The following ADGRB1 variants were observed in gnomAD, a reference collection of about 807,000 sequenced individuals.
The protein encoded by ADGRB1 is adhesion G protein-coupled receptor B1, also known as brain-specific angiogenesis inhibitor 1.
A neutral mutation model predicts 175.7 loss-of-function variants in ADGRB1; 36 were observed. The observed-to-expected ratio is 0.20, with a 90% CI of 0.16 to 0.27. The LOEUF is 0.27. Ranked by LOEUF, ADGRB1 falls within the 10% of genes least tolerant of loss-of-function variation. The pLI, the probability that ADGRB1 is intolerant of heterozygous loss-of-function variation, is 1.00. For synonymous variants in ADGRB1, 1,054 were observed against 979.4 expected, an observed-to-expected ratio of 1.08 and a Z score of -1.42; for missense variants, 1,731 against 2,255.3, an observed-to-expected ratio of 0.77 and a Z score of 4.71.
rs998523228 is a variant in ADGRB1, at chr8:142,504,147, C to T, written c.2676-6785C>T. Among the ~76,000 whole-genome samples, 3 of 152,232 alleles carry T rather than the reference C, an allele frequency of 2.0e-5. No homozygotes were observed. Among genetic ancestry groups the T allele is most frequent in the African/African-American group, 7.2e-5 (3 of 41,462 alleles). ...CCTCAGGACCCCAGGTAATTGCCCCCAGGCCCTGAGCTTGGAGGGGCTAGA... is the reference window on the plus strand; with the variant it reads ...CCTCAGGACCCCAGGTAATTGCCCCTAGGCCCTGAGCTTGGAGGGGCTAGA... On this transcript the variant is annotated intron_variant, in intron 17 of 30. Transcript: ENST00000517894. This position sits in a 1 kb window ranked among gnomAD's most constrained non-coding sequence, Gnocchi z 5.6.
rs1025995725 is a variant in ADGRB1, at chr8:142,492,915, C to T, written c.2675+2100C>T. Among the ~76,000 whole-genome samples the T allele has an allele frequency of 1.3e-5, 2 of 151,996 alleles. No homozygotes were observed. Among genetic ancestry groups the T allele is most frequent in the Admixed American group, 6.5e-5 (1 of 15,268 alleles). On this transcript the variant is annotated intron_variant, in intron 17 of 30. Transcript: ENST00000517894. This position sits in a 1 kb window ranked among gnomAD's most constrained non-coding sequence, Gnocchi z 4.4. ...CCCTCCCCACAGTGCAGAAACCCTC[C>T]ATCCGGGCTGTTCGCCGGCCGCGGC... is the stretch of plus-strand genomic sequence containing the variant.
intron 14 of ADGRB1, 44 bp from the exon 15 acceptor site, chr8:142,488,991 C>CTG: frequency 6.3e-7 from 1 of 1,593,872 alleles, no homozygotes; most frequent in Non-Finnish European, 8.5e-7. Context: ...CCCACCCTGG[C>CTG]TGTGGGGATG....
Position 142,455,208 on chromosome 8 carries a change from C to A in ADGRB1, c.-220+5104C>A, listed in dbSNP as rs1839598917. 6.6e-6 allele frequency among the ~76,000 whole-genome samples: 1 copy of A among 151,602 alleles called. No individual in the cohort carries two copies. Among genetic ancestry groups the A allele is most frequent in the Non-Finnish European group, 1.5e-5 (1 of 67,906 alleles). On this transcript the variant is annotated intron_variant, in intron 1 of 30. Transcript: ENST00000517894. This position sits in a 1 kb window ranked among gnomAD's most constrained non-coding sequence, Gnocchi z 4.9. The stretch of plus-strand genomic sequence containing the variant: ...ATTCCTATCTGACCCCACCTCCATC[C>A]CCAACACCAAAGCCAACAAACACCT...
At chr8:142,491,037 G>T (rs1841956766) in intron 17 of ADGRB1, among the ~76,000 whole-genome samples, 1 of 152,190 alleles carries the variant, frequency 6.6e-6, no homozygotes, top group South Asian at 2.1e-4. Context: ...AGTTCAGGGA[G>T]GAGCGGACGT....
chr8:142,511,574 G>A lies in ADGRB1; in HGVS notation c.2817+501G>A, dbSNP rs1054085645. ...GAGGTGGCGGTGGCCCCAGGCAGGGGCCCTGGCCCAGATCCACCGCCCCCC... is the reference window on the plus strand; with the variant it reads ...GAGGTGGCGGTGGCCCCAGGCAGGGACCCTGGCCCAGATCCACCGCCCCCC... On this transcript the variant is annotated intron_variant, in intron 18 of 30. Coordinates refer to ENST00000517894, the MANE Select transcript of ADGRB1 (RefSeq NM_001702.3). The surrounding 1 kb of genome is among the most constrained non-coding windows in gnomAD (Gnocchi z 4.5). Among the ~76,000 whole-genome samples the A allele has an allele frequency of 4.6e-5, 7 of 152,284 alleles. No homozygotes were observed. The highest frequency in any genetic ancestry group is 1.9e-4 in the East Asian group (1 of 5,156).
At chr8:142,526,698 A>G in intron 24 of ADGRB1, 71 bp downstream of exon 24, 1 of 1,437,966 alleles carries the variant, frequency 7.0e-7, no homozygotes, top group East Asian at 2.4e-5. Context: ...GCCCCGGGGG[A>G]TGGAGAACGC....
In ADGRB1 at chr8:142,475,466, C is replaced by T. The variant is rs1052552500; in HGVS notation, c.785-8C>T. ...TGCCCTGATCCCCGCCCTCTGGTTT[C>T]CCCCCAGGCGGCTGGAAGCTGTGGT... On this transcript the variant is annotated splice_region_variant and splice_polypyrimidine_tract_variant and intron_variant, in intron 2 of 30. Transcript: ENST00000517894. 6.2e-6 allele frequency: 8 copies of T among 1,290,082 alleles called. No individual in the cohort carries two copies. The highest frequency in any genetic ancestry group is 3.4e-5 in the South Asian group (1 of 29,320). 79.9% of individuals were successfully genotyped at this position (1,290,082 alleles called of 1,614,324 possible).
At chr8:142,519,624 G>C (rs1018240208) in intron 19 of ADGRB1, among the ~76,000 whole-genome samples, 4 of 151,202 alleles carry the variant, frequency 2.6e-5, no homozygotes, top group African/African-American at 9.7e-5. Flanking sequence ...GGTGGTGATG[G>C]TGGTGGTGGT....
intron 1 of ADGRB1, among the ~76,000 whole-genome samples, chr8:142,450,316 G>A (rs2131596363): frequency 1.3e-5 from 2 of 148,750 alleles, no homozygotes; most frequent in Admixed American, 1.3e-4. Context: ...GCGATGGAAT[G>A]TGGCAGGTCC....
chr8:142,455,935 C>T lies in ADGRB1; in HGVS notation c.-220+5831C>T, dbSNP rs561742984. On this transcript the variant is annotated intron_variant, in intron 1 of 30. Coordinates refer to ENST00000517894, the MANE Select transcript of ADGRB1 (RefSeq NM_001702.3). The surrounding 1 kb of genome is among the most constrained non-coding windows in gnomAD (Gnocchi z 4.9). Reference sequence around the variant, plus strand: ...GGTGGGTGGCCCTACCTGCCTGTCCCGGAGAGTGCCAGAGCGTCCAGGGTA... The same window carrying T: ...GGTGGGTGGCCCTACCTGCCTGTCCTGGAGAGTGCCAGAGCGTCCAGGGTA... 3.9e-5 allele frequency among the ~76,000 whole-genome samples: 6 copies of T among 152,176 alleles called. No homozygotes were observed. The South Asian group carries it at 6.3e-4, about 16-fold the overall frequency.
chr8:142,458,315 C>G (rs1160284612), intron 1 of ADGRB1, among the ~76,000 whole-genome samples: 1 of 152,168 alleles, frequency 6.6e-6, no homozygotes, highest in East Asian at 1.9e-4. Flanking sequence ...GAACCCAGGC[C>G]TGGTGGCAGG....
chr8:142,465,115 A>G (rs1450197000), intron 2 of ADGRB1, 133 bp downstream of exon 2: 7 of 324,056 alleles, frequency 2.2e-5, no homozygotes, highest in South Asian at 4.6e-5. Flanking sequence ...GTGGGTGGGT[A>G]GGGGAGGTGG....
chr8:142,478,166 TG>T lies in ADGRB1; in HGVS notation c.1388-20del, dbSNP rs766238006. 1 of 1,590,426 alleles carries T rather than the reference TG, an allele frequency of 6.3e-7. No individual in the cohort carries two copies. Among genetic ancestry groups the T allele is most frequent in the Non-Finnish European group, 8.6e-7 (1 of 1,169,196 alleles). On this transcript the variant is annotated intron_variant, in intron 6 of 30. Coordinates refer to ENST00000517894, the MANE Select transcript of ADGRB1 (RefSeq NM_001702.3). ...GGGTGCCGGGTGTTCACGCCCACTT[TG>T]TGTCTCCTTCCTCCCCCGGGCCGGG...
chr8:142,534,368 T>G (rs923608150), intron 25 of ADGRB1, among the ~76,000 whole-genome samples: 8 of 152,180 alleles, frequency 5.3e-5, no homozygotes, highest in African/African-American at 1.9e-4. Flanking sequence ...GGCCTGGGCC[T>G]CACTCTCTGG....
At chr8:142,522,741 G>A (rs1355424752) in intron 22 of ADGRB1, 31 bp downstream of exon 22, 12 of 1,464,338 alleles carry the variant, frequency 8.2e-6, no homozygotes, top group Non-Finnish European at 1.1e-5. Flanking sequence ...TGTGGTGGAT[G>A]GCCACATGGC....
Position 142,511,801 on chromosome 8 carries a change from G to A in ADGRB1, c.2817+728G>A, listed in dbSNP as rs1449119427. ...GAGGTGGGCCACAGCCCTCTACTGG[G>A]GCCCAGGCCGAGGCCCAGGACAGCC... On this transcript the variant is annotated intron_variant, in intron 18 of 30. Coordinates refer to ENST00000517894, the MANE Select transcript of ADGRB1 (RefSeq NM_001702.3). The surrounding 1 kb of genome is among the most constrained non-coding windows in gnomAD (Gnocchi z 4.5). 6.6e-6 allele frequency among the ~76,000 whole-genome samples: 1 copy of A among 151,338 alleles called. No individual in the cohort carries two copies. Among genetic ancestry groups the A allele is most frequent in the Non-Finnish European group, 1.5e-5 (1 of 68,022 alleles).
In ADGRB1 at chr8:142,542,663, G is replaced by A. The variant is rs1237894682; in HGVS notation, c.4413+16G>A. ...CTCCCTGGAGGTGAGGGGGGCAGGG[G>A]TGGGCCACACCCCAGCCAGCGAGGG... On this transcript the variant is annotated intron_variant, in intron 28 of 30. Transcript: ENST00000517894. This position sits in a 1 kb window ranked among gnomAD's most constrained non-coding sequence, Gnocchi z 6.3. The A allele has an allele frequency of 1.3e-6, 2 of 1,536,120 alleles. No homozygotes were observed. Among genetic ancestry groups the A allele is most frequent in the East Asian group, 2.6e-5 (1 of 39,010 alleles).
intron 23 of ADGRB1, among the ~76,000 whole-genome samples, chr8:142,525,830 G>T (rs1172991398): frequency 6.6e-6 from 1 of 152,142 alleles, no homozygotes. Context: ...GCAGAGTGGG[G>T]ATGCAGGAGG....
chr8:142,478,087 G>A, intron 6 of ADGRB1, 100 bp from the exon 7 acceptor site: 1 of 1,476,376 alleles, frequency 6.8e-7, no homozygotes, highest in East Asian at 2.5e-5. Context: ...CCCAGGCTGG[G>A]TGTGGGGTGG....
Sources: gnomAD v4.1 joint callset for allele counts (sites outside exome capture counted in the v4.1 genomes callset) on GRCh38, gnomAD v4.1.1 for gene constraint, Gnocchi (gnomAD v3.1) non-coding constraint, MANE v1.5 for transcripts, NCBI Gene and HGNC (gene_info 2026-07-23, HGNC 2026-07-21) for gene names.